The following NPAS3 variants were observed in gnomAD, a reference collection of about 807,000 sequenced individuals.
NPAS3 encodes neuronal PAS domain protein 3.
In NPAS3, 14 loss-of-function variants were observed where a neutral mutation model predicts 73.1. The observed-to-expected ratio is 0.19, with a 90% confidence interval of 0.13 to 0.30. The LOEUF is 0.30. Among genes scored for constraint, NPAS3 ranks in the 10% least tolerant of loss-of-function variants. NPAS3 has a pLI of 1.00. For synonymous variants in NPAS3, 620 were observed against 541.5 expected, an observed-to-expected ratio of 1.14 and a Z score of -2.01; for missense variants, 1,096 against 1,250.0, an observed-to-expected ratio of 0.88 and a Z score of 1.86.
At chr14:33,687,544 G>T (rs17486830) in intron 6 of NPAS3, among the ~76,000 whole-genome samples, 10,775 of 152,198 alleles carry the variant, frequency 0.071, 518 homozygotes, top group Non-Finnish European at 0.11. Context: ...ATGTCAGAGG[G>T]AAATCAAAAG....
chr14:33,256,887 C>T (rs531813347), intron 3 of NPAS3, among the ~76,000 whole-genome samples: 6 of 152,212 alleles, frequency 3.9e-5, no homozygotes, highest in East Asian at 1.9e-4. Flanking sequence ...TGGCTCTTAG[C>T]GGTCATTGAG....
In NPAS3 at chr14:33,764,348, G is replaced by C. The variant is rs146562459; in HGVS notation, c.853-9989G>C. ...ACAAACAAAGAGAAACAAAGTTTAAGTACTAACTTAGAACAAGACTAGTTG... is the reference window on the plus strand; with the variant it reads ...ACAAACAAAGAGAAACAAAGTTTAACTACTAACTTAGAACAAGACTAGTTG... On this transcript the variant is annotated intron_variant, in intron 7 of 11. Coordinates refer to ENST00000356141, the Ensembl canonical transcript of NPAS3. Among the ~76,000 whole-genome samples the C allele has an allele frequency of 2.4e-4, 37 of 152,324 alleles. No individual in the cohort carries two copies. In the East Asian group the frequency reaches 5.2e-3, roughly 21 times the overall value.
At chr14:33,226,867 T>A (rs2047655189) in intron 3 of NPAS3, among the ~76,000 whole-genome samples, 1 of 152,236 alleles carries the variant, frequency 6.6e-6, no homozygotes, top group Non-Finnish European at 1.5e-5. Flanking sequence ...CTGTTGAATA[T>A]CAGCACTGAT....
At chr14:33,060,272 A>G (rs2041048855) in intron 2 of NPAS3, among the ~76,000 whole-genome samples, 1 of 152,206 alleles carries the variant, frequency 6.6e-6, no homozygotes. Context: ...GGACACTGCC[A>G]TAGAGGGATT....
At chr14:33,371,378 A>G (rs1424918547) in intron 4 of NPAS3, among the ~76,000 whole-genome samples, 1 of 152,104 alleles carries the variant, frequency 6.6e-6, no homozygotes, top group Non-Finnish European at 1.5e-5. Flanking sequence ...TCATCAAGAG[A>G]AATTTGTGTT....
intron 2 of NPAS3, among the ~76,000 whole-genome samples, chr14:33,158,466 C>T (rs1002946487): frequency 1.3e-5 from 2 of 152,022 alleles, no homozygotes; most frequent in African/African-American, 4.8e-5. Flanking sequence ...ATGGACATTC[C>T]AGTGGGGTGG....
chr14:33,191,040 C>T (rs571069364), intron 2 of NPAS3, among the ~76,000 whole-genome samples: 9 of 152,246 alleles, frequency 5.9e-5, no homozygotes, highest in Non-Finnish European at 1.0e-4. Context: ...TTCTACCTCT[C>T]GTTTTGTAAA....
At position 33,526,712 on chromosome 14, in the gene NPAS3, G is replaced by A. The variant is rs148972318; in HGVS notation, c.469-33409G>A. Among the ~76,000 whole-genome samples the A allele has an allele frequency of 2.4e-4, 37 of 152,094 alleles. 1 individual carries two copies. The highest frequency in any genetic ancestry group is 7.7e-4 in the African/African-American group (32 of 41,492). On this transcript the variant is annotated intron_variant, in intron 4 of 11. Transcript: ENST00000356141. ...GAAATAGCTTCATTTCAGAAGCTCA[G>A]TAATTTAGTACCTCTCACCTAAGGG...
At chr14:33,489,842 A>G (rs1595012511) in intron 4 of NPAS3, among the ~76,000 whole-genome samples, 1 of 152,130 alleles carries the variant, frequency 6.6e-6, no homozygotes, top group East Asian at 1.9e-4. Flanking sequence ...TGAGTCGGAG[A>G]TTCAAACAGA....
chr14:33,160,615 A>G (rs1000877986), intron 2 of NPAS3, among the ~76,000 whole-genome samples: 6 of 151,458 alleles, frequency 4.0e-5, no homozygotes, highest in African/African-American at 1.2e-4. Context: ...CGTTGTGCAC[A>G]TGTACCCTAA....
chr14:33,447,621 AG>A (rs1250888438), intron 4 of NPAS3, among the ~76,000 whole-genome samples: 4 of 152,198 alleles, frequency 2.6e-5, no homozygotes, highest in African/African-American at 9.6e-5. Flanking sequence ...AGCAGGGGTG[AG>A]AACAGAATTG....
intron 3 of NPAS3, among the ~76,000 whole-genome samples, chr14:33,284,351 ACT>A (rs1468748629): frequency 1.3e-5 from 2 of 151,920 alleles, no homozygotes; most frequent in Non-Finnish European, 2.9e-5. Context: ...AAGATTCTTA[ACT>A]CTGCATAATT....
chr14:33,380,734 C>T lies in NPAS3; in HGVS notation c.468+13466C>T, dbSNP rs561131003. On this transcript the variant is annotated intron_variant, in intron 4 of 11. Transcript: ENST00000356141. ...TGTTCTGGATGAATAAAATGTGTAA[C>T]TAATGATTGGACTGCCCTCACAGAG... 1.1e-4 allele frequency among the ~76,000 whole-genome samples: 16 copies of T among 152,240 alleles called. No homozygotes were observed. In the East Asian group the frequency reaches 2.9e-3, roughly 28 times the overall value.
intron 2 of NPAS3, among the ~76,000 whole-genome samples, chr14:33,137,963 T>C (rs745815487): frequency 2.0e-5 from 3 of 152,142 alleles, no homozygotes; most frequent in Non-Finnish European, 4.4e-5. Context: ...TGGAGGGTTT[T>C]TAAAATACAA....
chr14:33,210,767 TAA>T (rs60878624), intron 2 of NPAS3, among the ~76,000 whole-genome samples: 3 of 150,960 alleles, frequency 2.0e-5, no homozygotes, highest in Non-Finnish European at 4.4e-5. Context: ...GTTATTGTAC[TAA>T]AAAAAAAGGC....
intron 5 of NPAS3, among the ~76,000 whole-genome samples, chr14:33,600,033 CCAGCCCAGG>C (rs2139992693): frequency 6.6e-6 from 1 of 152,278 alleles, no homozygotes; most frequent in East Asian, 1.9e-4. Context: ...CCTGTGACAT[CCAGCCCAGG>C]CACTAGAGTT....
intron 3 of NPAS3, among the ~76,000 whole-genome samples, chr14:33,322,896 C>A (rs73256853): frequency 1.3e-5 from 2 of 152,146 alleles, no homozygotes; most frequent in South Asian, 4.2e-4. Flanking sequence ...TATATCTGAC[C>A]CTCTTGATAA....
chr14:33,761,187 G>A (rs1301362938), intron 7 of NPAS3, among the ~76,000 whole-genome samples: 2 of 151,102 alleles, frequency 1.3e-5, no homozygotes, highest in African/African-American at 2.5e-5. Context: ...GCCACTGACA[G>A]TTTTGATCCT....
intron 5 of NPAS3, among the ~76,000 whole-genome samples, chr14:33,577,670 G>A (rs927775516): frequency 2.4e-4 from 36 of 152,290 alleles, no homozygotes; most frequent in African/African-American, 7.9e-4. Context: ...TGGGGTGACG[G>A]GGTAAAGGGG....
Sources: gnomAD v4.1 joint callset for allele counts (sites outside exome capture counted in the v4.1 genomes callset) on GRCh38, gnomAD v4.1.1 for gene constraint, MANE v1.5 for transcripts, NCBI Gene and HGNC (gene_info 2026-07-23, HGNC 2026-07-21) for gene names.